The following GRM4 variants were observed in gnomAD, a reference collection of about 807,000 sequenced individuals.
GRM4 encodes metabotropic glutamate receptor 4.
A neutral mutation model predicts 81.7 loss-of-function variants in GRM4; 28 were observed. The ratio of observed to expected loss-of-function variants is 0.34; its 90% CI spans 0.25 to 0.47. The LOEUF is 0.47. Among genes scored for constraint, GRM4 ranks in the 20% least tolerant of loss-of-function variants. The pLI is 1.00. For synonymous variants in GRM4, 488 were observed against 528.8 expected (o/e 0.92, Z 1.06); for missense variants, 948 against 1,290.0 (o/e 0.73, Z 4.06).
rs552300415 is a variant in GRM4 at position 34,069,973 on chromosome 6, G to A, written c.737-7945C>T. ...GGGCCTTACAGAGCCCAGGACACGT[G>A]CGGGGCCTGCCCAGGACGGCGGTAA... On this transcript the variant is annotated intron_variant, in intron 3 of 10. Coordinates refer to ENST00000538487, the MANE Select transcript of GRM4 (RefSeq NM_000841.4). The surrounding 1 kb of genome is among the most constrained non-coding windows in gnomAD (Gnocchi z 6.4). Among the ~76,000 whole-genome samples, 1 of 152,314 alleles carries A rather than the reference G, an allele frequency of 6.6e-6. No individual in the cohort carries two copies. Among genetic ancestry groups the A allele is most frequent in the Non-Finnish European group, 1.5e-5 (1 of 68,020 alleles).
Position 34,021,749 on chromosome 6 carries a change from T to G in GRM4, c.*1072A>C, listed in dbSNP as rs1442470171. 6.6e-6 allele frequency: 1 copy of G among 150,822 alleles called. No homozygotes were observed. The highest frequency in any genetic ancestry group is 3.1e-3 in the Middle Eastern group (1 of 320). The allele number at this position is 150,822 out of a possible 1,614,324, so 9.3% of individuals were successfully genotyped here. ...GTCTCCACAGCCCCCAAGCCCTGGGTCTCCAGAGCCCAGTTCCCGCTTCCC... is the reference window on the plus strand; with the variant it reads ...GTCTCCACAGCCCCCAAGCCCTGGGGCTCCAGAGCCCAGTTCCCGCTTCCC... On this transcript the variant is annotated 3_prime_UTR_variant, in exon 11 of 11. Transcript: ENST00000538487. This position sits in a 1 kb window ranked among gnomAD's most constrained non-coding sequence, Gnocchi z 5.3.
intron 6 of GRM4, chr6:34,054,244 TCCA>T (rs1323006580): frequency 6.8e-6 from 1 of 146,990 alleles, no homozygotes; most frequent in Non-Finnish European, 1.5e-5. Flanking sequence ...CACTGCAACC[TCCA>T]CTTCCCCAGG....
chr6:34,123,755 G>C (rs1353882227), intron 2 of GRM4, among the ~76,000 whole-genome samples: 1 of 152,234 alleles, frequency 6.6e-6, no homozygotes, highest in Admixed American at 6.5e-5. Flanking sequence ...GGCTTTCCCA[G>C]GCAACAAATG....
intron 2 of GRM4, among the ~76,000 whole-genome samples, chr6:34,119,418 T>G (rs200798309): frequency 8.4e-6 from 1 of 119,372 alleles, no homozygotes; most frequent in Non-Finnish European, 1.8e-5. Flanking sequence ...AGAGAGGGAG[T>G]GAGTGAGGAA....
chr6:34,059,086 A>C lies in GRM4; in HGVS notation c.915T>G (p.His305Gln). 6.2e-7 allele frequency: 1 copy of C among 1,613,926 alleles called. No individual in the cohort carries two copies. Among genetic ancestry groups the C allele is most frequent in the Non-Finnish European group, 8.5e-7 (1 of 1,179,968 alleles). Reference protein sequence around the residue: ...EAARRANQTGHFFWMGSDSWG... With the variant: ...EAARRANQTGQFFWMGSDSWG... ...AGCTGTCAGAGCCCATCCAGAAGAAATGGCCTGTCTGGTTGGCCCTTCGTG... is the reference window on the plus strand; with the variant it reads ...AGCTGTCAGAGCCCATCCAGAAGAACTGGCCTGTCTGGTTGGCCCTTCGTG... Residue 305 changes from histidine to glutamine, a missense_variant, in exon 5 of 11, where the codon CAT (histidine) becomes CAG (glutamine). His to Gln is a conservative substitution (Grantham distance 24). Coordinates refer to ENST00000538487, the MANE Select transcript of GRM4 (RefSeq NM_000841.4). This position sits in a 1 kb window ranked among gnomAD's most constrained non-coding sequence, Gnocchi z 5.7.
chr6:34,133,875 G>C lies in GRM4; in HGVS notation c.-363-16C>G. 2.9e-6 allele frequency: 3 copies of C among 1,026,066 alleles called. No individual in the cohort carries two copies. The highest frequency in any genetic ancestry group is 3.5e-6 in the Non-Finnish European group (3 of 854,602). The allele number at this position is 1,026,066 out of a possible 1,614,324, so 63.6% of individuals were successfully genotyped here. ...TCCTACCAACCTTAGAAGGGGAAGA[G>C]AGAGAGAGAATATCAAACAGAAGCC... On this transcript the variant is annotated splice_polypyrimidine_tract_variant and intron_variant, in intron 1 of 10. Coordinates refer to ENST00000538487, the MANE Select transcript of GRM4 (RefSeq NM_000841.4). The surrounding 1 kb of genome is among the most constrained non-coding windows in gnomAD (Gnocchi z 6.5).
At chr6:34,108,437 A>T (rs1369328977) in intron 2 of GRM4, among the ~76,000 whole-genome samples, 1 of 152,198 alleles carries the variant, frequency 6.6e-6, no homozygotes, top group African/African-American at 2.4e-5. Context: ...TTGCCCAGAG[A>T]TACTCAGCTG....
intron 3 of GRM4, among the ~76,000 whole-genome samples, chr6:34,073,056 CCA>C (rs370826975): frequency 0.096 from 10,143 of 105,796 alleles, 886 homozygotes; most frequent in African/African-American, 0.23. Flanking sequence ...ACACACATCA[CCA>C]CACAGATACA....
intron 9 of GRM4, among the ~76,000 whole-genome samples, chr6:34,028,770 G>A (rs1005054120): frequency 6.6e-6 from 1 of 152,148 alleles, no homozygotes; most frequent in East Asian, 1.9e-4. Context: ...AGGCTCTCAG[G>A]AGACCACAGC....
Position 34,022,519 on chromosome 6 carries a change from T to A in GRM4, c.*302A>T, listed in dbSNP as rs1446474303. On this transcript the variant is annotated 3_prime_UTR_variant, in exon 11 of 11. Coordinates refer to ENST00000538487, the MANE Select transcript of GRM4 (RefSeq NM_000841.4). The surrounding 1 kb of genome is among the most constrained non-coding windows in gnomAD (Gnocchi z 5.6). ...AGACAGAGACGAAGGGAGGGAGAGA[T>A]CTAGCACTGGGGCCCACACGACCTG... 8.6e-6 allele frequency: 4 copies of A among 467,012 alleles called. No individual in the cohort carries two copies. Among genetic ancestry groups the A allele is most frequent in the Middle Eastern group, 5.8e-4 (1 of 1,734 alleles). 28.9% of individuals were successfully genotyped at this position (467,012 alleles called of 1,614,324 possible).
chr6:34,042,228 T>C lies in GRM4; in HGVS notation c.1169-1480A>G, dbSNP rs1350208626. Among the ~76,000 whole-genome samples, 1 of 152,166 alleles carries C rather than the reference T, an allele frequency of 6.6e-6. No homozygotes were observed. Among genetic ancestry groups the C allele is most frequent in the Non-Finnish European group, 1.5e-5 (1 of 68,022 alleles). Reference sequence around the variant, plus strand: ...TTGCAGTGAGCTGAGATTGCACCATTGCACTCCAGCCTGAGCGACAGAGTG... The same window carrying C: ...TTGCAGTGAGCTGAGATTGCACCATCGCACTCCAGCCTGAGCGACAGAGTG... On this transcript the variant is annotated intron_variant, in intron 6 of 10. Transcript: ENST00000538487. The surrounding 1 kb of genome is among the most constrained non-coding windows in gnomAD (Gnocchi z 4.2).
chr6:34,057,051 A>T (rs1765933676), intron 5 of GRM4, among the ~76,000 whole-genome samples: 1 of 152,042 alleles, frequency 6.6e-6, no homozygotes, highest in Admixed American at 6.5e-5. Flanking sequence ...CAACCCGGGG[A>T]GCACCTGAAG....
At position 34,074,864 on chromosome 6, in the gene GRM4, A is replaced by AAGCCCCCC. The variant is rs1445585599; in HGVS notation, c.737-12844_737-12837dup. Among the ~76,000 whole-genome samples the AAGCCCCCC allele has an allele frequency of 6.6e-6, 1 of 152,116 alleles. No homozygotes were observed. Among genetic ancestry groups the AAGCCCCCC allele is most frequent in the East Asian group, 1.9e-4 (1 of 5,198 alleles). ...ATGGCTGGTTCCTGGCCCCCACCAA[A>AAGCCCCCC]AGCCCCCCAGAGGTCCCTACCCCAG... On this transcript the variant is annotated intron_variant, in intron 3 of 10. Transcript: ENST00000538487. This position sits in a 1 kb window ranked among gnomAD's most constrained non-coding sequence, Gnocchi z 4.9.
intron 5 of GRM4, among the ~76,000 whole-genome samples, chr6:34,057,619 C>T (rs1431226146): frequency 1.3e-5 from 2 of 152,248 alleles, no homozygotes; most frequent in African/African-American, 4.8e-5. Flanking sequence ...CCAAAAATGG[C>T]TCCAGAAATT....
chr6:34,136,209 A>G lies in GRM4; in HGVS notation c.-363-2350T>C, dbSNP rs771212533. On this transcript the variant is annotated intron_variant, in intron 1 of 10. Transcript: ENST00000538487. This position sits in a 1 kb window ranked among gnomAD's most constrained non-coding sequence, Gnocchi z 4.1. Reference sequence around the variant, plus strand: ...TTTATCCCTATCTCACAGATGAGGAAGCCAAGGCACCAAGTGCTTAAGCAA... The same window carrying G: ...TTTATCCCTATCTCACAGATGAGGAGGCCAAGGCACCAAGTGCTTAAGCAA... 6.6e-6 allele frequency among the ~76,000 whole-genome samples: 1 copy of G among 152,188 alleles called. No individual in the cohort carries two copies. The highest frequency in any genetic ancestry group is 1.5e-5 in the Non-Finnish European group (1 of 68,036).
chr6:34,132,767 G>A (rs905245925), intron 2 of GRM4, among the ~76,000 whole-genome samples: 1 of 152,202 alleles, frequency 6.6e-6, no homozygotes, highest in African/African-American at 2.4e-5. Flanking sequence ...CCTTTCATCT[G>A]CTGTGCCTGT....
Position 34,111,813 on chromosome 6 carries a change from C to T in GRM4, c.520-19714G>A, listed in dbSNP as rs1029674728. Among the ~76,000 whole-genome samples, 5 of 152,186 alleles carry T rather than the reference C, an allele frequency of 3.3e-5. No individual in the cohort carries two copies. Among genetic ancestry groups the T allele is most frequent in the African/African-American group, 1.2e-4 (5 of 41,456 alleles). ...CCGGGACACCATGGGCTGATGTTGGCAGCATTGCCCCTCTCCTCAGTCACC... is the reference window on the plus strand; with the variant it reads ...CCGGGACACCATGGGCTGATGTTGGTAGCATTGCCCCTCTCCTCAGTCACC... On this transcript the variant is annotated intron_variant, in intron 2 of 10. Transcript: ENST00000538487. This position sits in a 1 kb window ranked among gnomAD's most constrained non-coding sequence, Gnocchi z 5.1.
intron 2 of GRM4, among the ~76,000 whole-genome samples, chr6:34,103,218 A>G (rs1048988281): frequency 2.0e-5 from 3 of 152,238 alleles, no homozygotes; most frequent in African/African-American, 7.2e-5. Flanking sequence ...ATTCTGAATT[A>G]CGTTTTCCAG....
chr6:34,040,698 G>T lies in GRM4; in HGVS notation c.1219C>A (p.Gln407Lys), dbSNP rs1296808030. 1 of 1,613,912 alleles carries T rather than the reference G, an allele frequency of 6.2e-7. No homozygotes were observed. The highest frequency in any genetic ancestry group is 8.5e-7 in the Non-Finnish European group (1 of 1,179,888). The change falls in exon 7 of 11, where the codon CAG (glutamine) becomes AAG (lysine). Residue 407 changes from glutamine (Q) to lysine (K), a missense_variant. Gln to Lys is a moderately conservative substitution (Grantham distance 53). Coordinates refer to ENST00000538487, the MANE Select transcript of GRM4 (RefSeq NM_000841.4). ...GCGTACACGGCATCGATCACAAACT[G>T]CACCTTCCCCTCCTGCTCATAAGCT... Reference protein sequence around the residue: ...DSAYEQEGKVQFVIDAVYAMG... With the variant: ...DSAYEQEGKVKFVIDAVYAMG...
Sources: gnomAD v4.1 joint callset for allele counts (sites outside exome capture counted in the v4.1 genomes callset) on GRCh38, gnomAD v4.1.1 for gene constraint, Gnocchi (gnomAD v3.1) non-coding constraint, MANE v1.5 for transcripts, NCBI Gene and HGNC (gene_info 2026-07-23, HGNC 2026-07-21) for gene names.